RIMS4: variants seen among roughly 807,000 people sequenced by gnomAD.
RIMS4 encodes the protein regulating synaptic membrane exocytosis protein 4.
In RIMS4, 9 loss-of-function variants were observed where a neutral mutation model predicts 29.0. That is an observed-to-expected ratio of 0.31 (90% confidence interval 0.19 to 0.54). The LOEUF (loss-of-function observed/expected upper bound fraction) is 0.54. RIMS4 is among the 20% of genes least tolerant of loss of function. The pLI is 0.94. For missense variants in RIMS4, 193 were observed against 365.7 expected (o/e 0.53, Z 3.85); for synonymous variants, 130 against 152.9 (o/e 0.85, Z 1.10).
At chr20:44,764,021 T>C (rs963303827) in intron 2 of RIMS4, among the ~76,000 whole-genome samples, 7 of 133,558 alleles carry the variant, frequency 5.2e-5, no homozygotes, top group African/African-American at 2.0e-4. Flanking sequence ...TATCCATCCA[T>C]CCATTTATCC....
chr20:44,792,170 T>C (rs144418703), intron 1 of RIMS4, among the ~76,000 whole-genome samples: 2 of 152,222 alleles, frequency 1.3e-5, no homozygotes, highest in Non-Finnish European at 2.9e-5. Context: ...CACACTGGAG[T>C]GGGCCAGTGA....
intron 1 of RIMS4, among the ~76,000 whole-genome samples, chr20:44,784,371 G>A (rs1310675310): frequency 6.6e-6 from 1 of 152,222 alleles, no homozygotes; most frequent in Admixed American, 6.5e-5. Flanking sequence ...CAGATGGCCA[G>A]CTTCCTCCAG....
intron 1 of RIMS4, among the ~76,000 whole-genome samples, chr20:44,776,081 C>T (rs2066159023): frequency 6.6e-6 from 1 of 152,018 alleles, no homozygotes; most frequent in African/African-American, 2.4e-5. Context: ...GAGTTTCAGA[C>T]CAGCCTGGGC....
At chr20:44,773,021 G>C (rs991711943) in intron 1 of RIMS4, among the ~76,000 whole-genome samples, 3 of 113,332 alleles carry the variant, frequency 2.6e-5, no homozygotes, top group African/African-American at 1.4e-4. Flanking sequence ...TCGTATTTCT[G>C]TCTCCCACGT....
At chr20:44,770,746 C>T (rs545443034) in intron 2 of RIMS4, among the ~76,000 whole-genome samples, 53 of 152,122 alleles carry the variant, frequency 3.5e-4, no homozygotes, top group African/African-American at 8.9e-4. Flanking sequence ...TCAAGAAATG[C>T]CTTTATAAAG....
At position 44,758,158 on chromosome 20, in the gene RIMS4, G is replaced by A. The variant is rs1184737219; in HGVS notation, c.263C>T (p.Ala88Val). Residue 88 changes from alanine to valine, a missense_variant, in exon 3 of 6, where the codon GCG becomes GTG. Physicochemically the swap from Ala to Val is moderately conservative, Grantham distance 64. Coordinates refer to ENST00000372851, the MANE Select transcript of RIMS4 (RefSeq NM_182970.4). Reference sequence around the variant, plus strand: ...GAAGTCACTGAACTGGGCGTCCGACGCCAGGCAAACTCCTCCATAGTTAAG... The same window carrying A: ...GAAGTCACTGAACTGGGCGTCCGACACCAGGCAAACTCCTCCATAGTTAAG... ...GNLNYGGVCLASDAQFSDFLG... is the reference protein window; with the variant it reads ...GNLNYGGVCLVSDAQFSDFLG... The A allele has an allele frequency of 5.6e-6, 9 of 1,613,408 alleles. No individual in the cohort carries two copies. Among genetic ancestry groups the A allele is most frequent in the East Asian group, 2.2e-5 (1 of 44,870 alleles).
At chr20:44,768,385 C>T (rs983459655) in intron 2 of RIMS4, among the ~76,000 whole-genome samples, 3 of 152,178 alleles carry the variant, frequency 2.0e-5, no homozygotes, top group African/African-American at 7.2e-5. Flanking sequence ...TGCAGCCTTG[C>T]GGGGGTGCTC....
At chr20:44,767,158 C>A (rs1013391729) in intron 2 of RIMS4, among the ~76,000 whole-genome samples, 1 of 152,216 alleles carries the variant, frequency 6.6e-6, no homozygotes, top group East Asian at 1.9e-4. Flanking sequence ...AGGTGAATCA[C>A]TTGCACTTGA....
At chr20:44,777,868 C>T (rs1019572449) in intron 1 of RIMS4, among the ~76,000 whole-genome samples, 2 of 152,202 alleles carry the variant, frequency 1.3e-5, no homozygotes, top group Admixed American at 6.5e-5. Context: ...GAAGTTCCCC[C>T]AGACACAAGA....
At chr20:44,804,952 A>C (rs924986166) in intron 1 of RIMS4, among the ~76,000 whole-genome samples, 2 of 152,140 alleles carry the variant, frequency 1.3e-5, no homozygotes, top group African/African-American at 4.8e-5. Flanking sequence ...TAAGGCGTGA[A>C]TCCTCATGCA....
At position 44,756,807 on chromosome 20, in the gene RIMS4, A is replaced by T; in HGVS notation, c.591+91T>A. 1 of 1,336,888 alleles carries T rather than the reference A, an allele frequency of 7.5e-7. No homozygotes were observed. The highest frequency in any genetic ancestry group is 1.0e-6 in the Non-Finnish European group (1 of 998,004). 82.8% of individuals were successfully genotyped at this position (1,336,888 alleles called of 1,614,324 possible). On this transcript the variant is annotated intron_variant, in intron 5 of 5. Transcript: ENST00000372851. The surrounding 1 kb of genome is among the most constrained non-coding windows in gnomAD (Gnocchi z 5.9). The stretch of plus-strand genomic sequence containing the variant: ...CCTCCAGGCGAGGCCCTCCAGAGAC[A>T]CCCCCCGCCAGGGGTGCCCTCCTCT...
At chr20:44,778,910 C>A (rs1459525775) in intron 1 of RIMS4, among the ~76,000 whole-genome samples, 1 of 152,174 alleles carries the variant, frequency 6.6e-6, no homozygotes, top group African/African-American at 2.4e-5. Context: ...TCCACACCAC[C>A]AGAGTGTCCT....
rs1755138396 is a variant in RIMS4, at chr20:44,753,233, G to A, written c.*2901C>T. ...GGCCATTAGGCTTCAAAGAAAGAAG[G>A]GAGGAGGAGGTATGGGCAGTGGCAG... On this transcript the variant is annotated 3_prime_UTR_variant, in exon 6 of 6. Transcript: ENST00000372851. The A allele has an allele frequency of 6.6e-6, 1 of 152,654 alleles. No homozygotes were observed. The highest frequency in any genetic ancestry group is 2.4e-5 in the African/African-American group (1 of 41,428). The allele number at this position is 152,654 out of a possible 1,614,324, so 9.5% of individuals were successfully genotyped here.
At chr20:44,776,750 A>G (rs1284429968) in intron 1 of RIMS4, among the ~76,000 whole-genome samples, 1 of 152,218 alleles carries the variant, frequency 6.6e-6, no homozygotes, top group African/African-American at 2.4e-5. Context: ...TATTATTAAT[A>G]TGGTTATTAC....
Position 44,771,398 on chromosome 20 carries a change from A to C in RIMS4, c.113T>G (p.Leu38Arg). 1 of 1,612,468 alleles carries C rather than the reference A, an allele frequency of 6.2e-7. No individual in the cohort carries two copies. The highest frequency in any genetic ancestry group is 8.5e-7 in the Non-Finnish European group (1 of 1,179,022). ...DDEDAGDSRRLKGAIQRSTET... is the reference protein window; with the variant it reads ...DDEDAGDSRRRKGAIQRSTET... ...CGTGCTCCTCTGGATGGCCCCCTTC[A>C]GCCTCCGGCTGTCCCCTTCTGGGCA... Residue 38 changes from leucine (L) to arginine (R), a missense_variant, in exon 2 of 6, where the codon CTG becomes CGG. Physicochemically the swap from Leu to Arg is moderately radical, Grantham distance 102. Coordinates refer to ENST00000372851, the MANE Select transcript of RIMS4 (RefSeq NM_182970.4).
At chr20:44,775,159 C>T (rs1007601084) in intron 1 of RIMS4, among the ~76,000 whole-genome samples, 1 of 152,148 alleles carries the variant, frequency 6.6e-6, no homozygotes, top group African/African-American at 2.4e-5. Context: ...AGTGCTGCAC[C>T]TGCTGATAAA....
chr20:44,764,468 C>T (rs866901130), intron 2 of RIMS4, among the ~76,000 whole-genome samples: 1 of 152,210 alleles, frequency 6.6e-6, no homozygotes, highest in Middle Eastern at 3.4e-3. Flanking sequence ...TAGAAATGCA[C>T]AAATACTACA....
intron 1 of RIMS4, among the ~76,000 whole-genome samples, chr20:44,809,178 ACAGC>A (rs2066311929): frequency 6.6e-6 from 1 of 152,190 alleles, no homozygotes; most frequent in Non-Finnish European, 1.5e-5. Context: ...GCCCAAGGTC[ACAGC>A]TAAGAAGTAG....
chr20:44,795,163 C>G (rs1382663336), intron 1 of RIMS4, among the ~76,000 whole-genome samples: 1 of 152,180 alleles, frequency 6.6e-6, no homozygotes, highest in Non-Finnish European at 1.5e-5. Flanking sequence ...AATTATGTAC[C>G]ACGCACTGTG....
Sources: gnomAD v4.1 joint callset for allele counts (sites outside exome capture counted in the v4.1 genomes callset) on GRCh38, gnomAD v4.1.1 for gene constraint, Gnocchi (gnomAD v3.1) non-coding constraint, MANE v1.5 for transcripts, NCBI Gene and HGNC (gene_info 2026-07-23, HGNC 2026-07-21) for gene names.